Variants in CABCOCO1 observed in about 807,000 individuals in gnomAD.
CABCOCO1 encodes ciliary-associated calcium-binding coiled-coil protein 1.
A neutral mutation model predicts 35.7 loss-of-function variants in CABCOCO1; 28 were observed. That is an observed-to-expected ratio of 0.78 (90% CI 0.58 to 1.07). CABCOCO1 has a LOEUF of 1.07. CABCOCO1 is among the 50% of genes least tolerant of loss of function. The pLI is 0.00. For missense variants in CABCOCO1, 326 were observed against 309.2 expected (o/e 1.05, Z -0.41); for synonymous variants, 95 against 100.1 (o/e 0.95, Z 0.30).
At chr10:61,712,933 G>A (rs530435613) in intron 5 of CABCOCO1, among the ~76,000 whole-genome samples, 1 of 152,278 alleles carries the variant, frequency 6.6e-6, no homozygotes, top group South Asian at 2.1e-4. Flanking sequence ...TTGAAGTCAG[G>A]TAGCATGATG....
chr10:61,683,997 A>G (rs1564534261), intron 3 of CABCOCO1, among the ~76,000 whole-genome samples: 1 of 152,164 alleles, frequency 6.6e-6, no homozygotes, highest in Non-Finnish European at 1.5e-5. Context: ...TCTCTAATTA[A>G]TATCATTTTA....
chr10:61,680,669 AAC>A (rs1564532688), intron 2 of CABCOCO1, among the ~76,000 whole-genome samples: 1,040 of 73,546 alleles, frequency 0.014, 37 homozygotes, highest in Non-Finnish European at 0.022. Context: ...ATACATGTAT[AAC>A]ATATATGTTA....
At chr10:61,694,962 TA>T (rs2132002985) in intron 5 of CABCOCO1, among the ~76,000 whole-genome samples, 1 of 152,202 alleles carries the variant, frequency 6.6e-6, no homozygotes, top group South Asian at 2.1e-4. Flanking sequence ...ATAGTGTTGT[TA>T]ACTTCCTCTG....
intron 2 of CABCOCO1, among the ~76,000 whole-genome samples, chr10:61,674,526 C>T (rs922254484): frequency 1.1e-4 from 17 of 152,098 alleles, no homozygotes; most frequent in Middle Eastern, 3.2e-3. Context: ...TGCAATCGGT[C>T]ACTCACTTTC....
chr10:61,665,651 G>T (rs145104304), intron 1 of CABCOCO1, among the ~76,000 whole-genome samples: 1 of 151,890 alleles, frequency 6.6e-6, no homozygotes, highest in African/African-American at 2.4e-5. Context: ...ACTTTGGGAG[G>T]CCGAGGCGGG....
At chr10:61,751,792 A>G (rs1446667889) in intron 5 of CABCOCO1, among the ~76,000 whole-genome samples, 1 of 152,216 alleles carries the variant, frequency 6.6e-6, no homozygotes, top group Non-Finnish European at 1.5e-5. Flanking sequence ...TTTTACAAAC[A>G]AAGAAACCAC....
chr10:61,731,890 G>A (rs767960299), intron 5 of CABCOCO1, among the ~76,000 whole-genome samples: 2 of 151,930 alleles, frequency 1.3e-5, no homozygotes, highest in Non-Finnish European at 2.9e-5. Context: ...ATAGATGCCA[G>A]AAGTTACATT....
At chr10:61,724,185 T>C (rs1183289776) in intron 5 of CABCOCO1, among the ~76,000 whole-genome samples, 2 of 152,224 alleles carry the variant, frequency 1.3e-5, no homozygotes, top group Non-Finnish European at 2.9e-5. Context: ...AAGCATACTT[T>C]CTTCATTGAT....
intron 5 of CABCOCO1, among the ~76,000 whole-genome samples, chr10:61,721,339 C>T (rs1841015570): frequency 6.6e-6 from 1 of 152,096 alleles, no homozygotes; most frequent in Non-Finnish European, 1.5e-5. Context: ...TGGGAAGAAG[C>T]TTCTGAAGCC....
rs548694650 is a variant in CABCOCO1 at position 61,681,458 on chromosome 10, T to C, written c.334+146T>C. 6 of 571,150 alleles carry C rather than the reference T, an allele frequency of 1.1e-5. No homozygotes were observed. In the South Asian group the frequency reaches 1.7e-4, roughly 16 times the overall value. 35.4% of individuals were successfully genotyped at this position (571,150 alleles called of 1,614,324 possible). On this transcript the variant is annotated intron_variant, in intron 3 of 7. Coordinates refer to ENST00000648843, the MANE Select transcript of CABCOCO1 (RefSeq NM_001366906.2). ...GAGTATAACAAATACATAGTTCCTA[T>C]CTCCATTGAGTTATAAAACCTCAAG...
intron 5 of CABCOCO1, among the ~76,000 whole-genome samples, chr10:61,735,894 C>T (rs1841405228): frequency 6.6e-6 from 1 of 152,056 alleles, no homozygotes; most frequent in Non-Finnish European, 1.5e-5. Flanking sequence ...ACAAACTACG[C>T]TTCTCTAATT....
chr10:61,751,370 G>A (rs1241767482), intron 5 of CABCOCO1, among the ~76,000 whole-genome samples: 2 of 151,930 alleles, frequency 1.3e-5, no homozygotes, highest in Non-Finnish European at 2.9e-5. Context: ...AAAAATAGAA[G>A]GGCACAGGTG....
intron 3 of CABCOCO1, among the ~76,000 whole-genome samples, chr10:61,681,839 C>T (rs761000469): frequency 2.6e-5 from 4 of 151,812 alleles, no homozygotes; most frequent in Admixed American, 6.6e-5. Context: ...TTTGTGTATA[C>T]ACAAAGAAAT....
chr10:61,724,224 G>A (rs1841089808), intron 5 of CABCOCO1, among the ~76,000 whole-genome samples: 1 of 152,100 alleles, frequency 6.6e-6, no homozygotes, highest in African/African-American at 2.4e-5. Flanking sequence ...ACAAATTCAA[G>A]CCCTTTCTTA....
intron 5 of CABCOCO1, among the ~76,000 whole-genome samples, chr10:61,725,566 A>G (rs1841127907): frequency 7.2e-6 from 1 of 138,190 alleles, no homozygotes; most frequent in East Asian, 2.3e-4. Flanking sequence ...CAATGAGAAC[A>G]CTTGGACATA....
intron 5 of CABCOCO1, among the ~76,000 whole-genome samples, chr10:61,693,502 C>A (rs1054407455): frequency 6.6e-6 from 1 of 151,988 alleles, no homozygotes; most frequent in Non-Finnish European, 1.5e-5. Flanking sequence ...CATAAATCCC[C>A]TCTAATCAAA....
At chr10:61,758,796 G>C (rs902697411) in intron 5 of CABCOCO1, among the ~76,000 whole-genome samples, 1 of 151,872 alleles carries the variant, frequency 6.6e-6, no homozygotes, top group East Asian at 1.9e-4. Context: ...TTTACACTAA[G>C]CAACAACTTT....
In CABCOCO1 at chr10:61,675,384, C is replaced by T. The variant is rs142526748; in HGVS notation, c.164+2649C>T. Among the ~76,000 whole-genome samples, 737 of 152,194 alleles carry T rather than the reference C, an allele frequency of 4.8e-3. 3 individuals carry two copies. Among genetic ancestry groups the T allele is most frequent in the Non-Finnish European group, 8.0e-3 (544 of 68,010 alleles). On this transcript the variant is annotated intron_variant, in intron 2 of 7. Transcript: ENST00000648843. ...CGAGCAAAGAATGGAAATGATAAAT[C>T]CTTAGCCCTGTGGTTCAAGTTAAAA...
In CABCOCO1 at chr10:61,766,087, G is replaced by C; in HGVS notation, c.*74G>C. The C allele has an allele frequency of 7.5e-7, 1 of 1,336,084 alleles. No individual in the cohort carries two copies. Among genetic ancestry groups the C allele is most frequent in the South Asian group, 1.3e-5 (1 of 79,446 alleles). The allele number at this position is 1,336,084 out of a possible 1,614,324, so 82.8% of individuals were successfully genotyped here. A position where few individuals can be genotyped will look rare whatever the true frequency, so the allele number is the denominator to read the frequency against. On this transcript the variant is annotated 3_prime_UTR_variant, in exon 8 of 8. Transcript: ENST00000648843. ...ACCAGCCAGAATAACAGACTCTCTG[G>C]AGCGTCGTGTCTCCATCACTTAGTT...
Sources: allele counts gnomAD v4.1 joint callset (sites outside exome capture counted in the v4.1 genomes callset), GRCh38; gene constraint gnomAD v4.1.1; transcripts MANE v1.5; gene names NCBI Gene and HGNC (gene_info 2026-07-23, HGNC 2026-07-21).